The following DAB1 variants were observed in gnomAD, a reference collection of about 807,000 sequenced individuals.
DAB1 encodes the protein DAB adaptor protein 1, also known as disabled homolog 1.
Under a neutral mutation model 64.6 loss-of-function variants are expected in DAB1, and 15 were observed. That is an observed-to-expected ratio of 0.23 (90% confidence interval 0.16 to 0.36). DAB1 has a LOEUF of 0.36. Among genes scored for constraint, DAB1 ranks in the 10% least tolerant of loss-of-function variants. The probability of loss-of-function intolerance (pLI) is 1.00; values close to 1 mark genes in which losing one functional copy is unlikely to be tolerated. For synonymous variants in DAB1, 235 were observed against 251.9 expected (o/e 0.93, Z 0.64); for missense variants, 596 against 706.7 (o/e 0.84, Z 1.78).
intron 1 of DAB1, among the ~76,000 whole-genome samples, chr1:57,851,095 T>C (rs1653502969): frequency 6.6e-6 from 1 of 152,212 alleles, no homozygotes; most frequent in Non-Finnish European, 1.5e-5. Flanking sequence ...AAACCTAGAA[T>C]TGTTCGTCAA....
chr1:57,270,820 T>C lies in DAB1; in HGVS notation c.67+20144A>G, dbSNP rs114715989. Among the ~76,000 whole-genome samples the C allele has an allele frequency of 7.3e-3, 1,107 of 152,240 alleles. 10 individuals are homozygous for C. Among genetic ancestry groups the C allele is most frequent in the African/African-American group, 0.025 (1,059 of 41,538 alleles). ...GAGCACCTATTAGTGCCAGGCACCT[T>C]GCTTGGCCCTATCACACAGCTCCTA... On this transcript the variant is annotated intron_variant, in intron 2 of 14. Transcript: ENST00000371236.
At chr1:58,366,920 T>C (rs908990290) in intron 3 of DAB1, among the ~76,000 whole-genome samples, 6 of 152,246 alleles carry the variant, frequency 3.9e-5, no homozygotes, top group African/African-American at 1.4e-4. Context: ...ACACATTAAT[T>C]GGTCATAAGA....
At chr1:58,006,020 C>T (rs979617905) in intron 5 of DAB1, among the ~76,000 whole-genome samples, 1 of 152,120 alleles carries the variant, frequency 6.6e-6, no homozygotes, top group Non-Finnish European at 1.5e-5. Context: ...CCAATTAACA[C>T]AGCAGTGGCA....
chr1:58,197,512 C>T (rs1181344929), intron 4 of DAB1, among the ~76,000 whole-genome samples: 2 of 151,902 alleles, frequency 1.3e-5, no homozygotes, highest in East Asian at 3.9e-4. Context: ...CTGCCTCAGC[C>T]TCCCGAGTGG....
At chr1:58,191,735 T>A (rs1301659800) in intron 4 of DAB1, among the ~76,000 whole-genome samples, 1 of 152,216 alleles carries the variant, frequency 6.6e-6, no homozygotes, top group South Asian at 2.1e-4. Flanking sequence ...TAGATCTGTA[T>A]CCCCTTTGCC....
rs563613596 is a variant in DAB1 at position 58,028,977 on chromosome 1, G to A, written n.387+121534C>T. On this transcript the variant is annotated intron_variant and non_coding_transcript_variant, in intron 5 of 20. Transcript: ENST00000485760. The stretch of plus-strand genomic sequence containing the variant: ...CTAGGAAACAGAAGTGGTATGAACG[G>A]CTACCTCACAGAAAGATGGTGAGGA... Among the ~76,000 whole-genome samples, 14 of 152,252 alleles carry A rather than the reference G, an allele frequency of 9.2e-5. No individual in the cohort carries two copies. In the South Asian group the frequency reaches 2.9e-3, roughly 32 times the overall value.
intron 1 of DAB1, among the ~76,000 whole-genome samples, chr1:57,858,308 T>C (rs1653851844): frequency 6.6e-6 from 1 of 152,212 alleles, no homozygotes. Context: ...CTAACTTTCT[T>C]GGTAGGTTAA....
intron 4 of DAB1, among the ~76,000 whole-genome samples, chr1:57,121,130 GA>G (rs1208554595): frequency 2.7e-4 from 36 of 131,182 alleles, no homozygotes; most frequent in Admixed American, 1.4e-3. Context: ...AGAAGAAGAA[GA>G]GAAGAAGAAG....
At chr1:57,455,432 T>A (rs1686551985) in intron 7 of DAB1, among the ~76,000 whole-genome samples, 1 of 152,148 alleles carries the variant, frequency 6.6e-6, no homozygotes, top group South Asian at 2.1e-4. Context: ...CCTTGTCTCT[T>A]AATTATTACA....
At chr1:57,401,120 T>C (rs1683210274) in intron 1 of DAB1, among the ~76,000 whole-genome samples, 2 of 152,268 alleles carry the variant, frequency 1.3e-5, no homozygotes, top group African/African-American at 4.8e-5. Context: ...CATTCAATTA[T>C]GTGCATGAAA....
chr1:58,027,531 G>C (rs906888325), intron 5 of DAB1, among the ~76,000 whole-genome samples: 4 of 152,202 alleles, frequency 2.6e-5, no homozygotes, highest in African/African-American at 9.6e-5. Context: ...CACAATTTTG[G>C]GGTGTTGGTT....
intron 6 of DAB1, among the ~76,000 whole-genome samples, chr1:57,688,619 T>C (rs1472318436): frequency 1.3e-5 from 2 of 152,164 alleles, no homozygotes; most frequent in Non-Finnish European, 2.9e-5. Flanking sequence ...TATACTTATA[T>C]GTTCATCACA....
chr1:58,507,555 C>T (rs1646008187), intron 2 of DAB1, among the ~76,000 whole-genome samples: 1 of 151,916 alleles, frequency 6.6e-6, no homozygotes, highest in African/African-American at 2.4e-5. Context: ...GTACTTTATA[C>T]ACTACTGCAC....
intron 1 of DAB1, among the ~76,000 whole-genome samples, chr1:58,531,770 C>T (rs910073946): frequency 5.3e-5 from 8 of 151,834 alleles, no homozygotes; most frequent in African/African-American, 1.5e-4. Flanking sequence ...AGTGCAGTGG[C>T]GAGGTCTCGA....
chr1:58,371,079 G>T (rs1161094709), intron 3 of DAB1, among the ~76,000 whole-genome samples: 1 of 152,330 alleles, frequency 6.6e-6, no homozygotes, highest in Middle Eastern at 3.4e-3. Flanking sequence ...AGTTTGGAAG[G>T]CTCAGAAGAA....
chr1:58,340,350 T>C (rs1643913142), intron 4 of DAB1, among the ~76,000 whole-genome samples: 1 of 152,196 alleles, frequency 6.6e-6, no homozygotes, highest in African/African-American at 2.4e-5. Context: ...GGAAATCTTG[T>C]CACCCTCATG....
At chr1:57,057,822 A>T (rs552945804) in intron 9 of DAB1, among the ~76,000 whole-genome samples, 6 of 151,734 alleles carry the variant, frequency 4.0e-5, no homozygotes, top group Non-Finnish European at 7.4e-5. Context: ...ATTAGCCAGG[A>T]TGGTCTCGAT....
chr1:57,738,290 C>G (rs774704059), intron 6 of DAB1, among the ~76,000 whole-genome samples: 4 of 152,128 alleles, frequency 2.6e-5, no homozygotes, highest in Admixed American at 6.5e-5. Context: ...ACTGTGCAAA[C>G]CTATGCTATA....
chr1:57,882,380 T>C (rs1016045322), intron 1 of DAB1, among the ~76,000 whole-genome samples: 1 of 152,186 alleles, frequency 6.6e-6, no homozygotes, highest in African/African-American at 2.4e-5. Flanking sequence ...CCATGGCCCC[T>C]TCTCAGAGTC....
Sources: allele counts gnomAD v4.1 joint callset (sites outside exome capture counted in the v4.1 genomes callset), GRCh38; gene constraint gnomAD v4.1.1; transcripts MANE v1.5; gene names NCBI Gene and HGNC (gene_info 2026-07-23, HGNC 2026-07-21).